The following PPARGC1B variants were observed in gnomAD, a reference collection of about 807,000 sequenced individuals.
PPARGC1B encodes peroxisome proliferator-activated receptor gamma coactivator 1-beta.
In PPARGC1B, 34 loss-of-function variants were observed where a neutral mutation model predicts 101.6. The observed-to-expected ratio is 0.33, with a 90% confidence interval of 0.25 to 0.45. PPARGC1B has a LOEUF of 0.45. PPARGC1B is among the 20% of genes least tolerant of loss of function. The pLI is 1.00. For missense variants in PPARGC1B, 1,234 were observed against 1,317.6 expected, an observed-to-expected ratio of 0.94 and a Z score of 0.98; for synonymous variants, 548 against 539.3, an observed-to-expected ratio of 1.02 and a Z score of -0.22.
chr5:149,780,512 C>T (rs921571022), intron 1 of PPARGC1B, among the ~76,000 whole-genome samples: 1 of 152,196 alleles, frequency 6.6e-6, no homozygotes, highest in African/African-American at 2.4e-5. Flanking sequence ...CTAAAGGTCT[C>T]TAAGGCCCTT....
At chr5:149,856,899 T>G (rs1759968359), downstream of PPARGC1B, among the ~76,000 whole-genome samples, 1 of 151,834 alleles carries the variant, frequency 6.6e-6, no homozygotes, top group Non-Finnish European at 1.5e-5. Context: ...GCCTCCCAAG[T>G]AGCTGGGATT....
Position 149,847,480 on chromosome 5 carries a change from T to A in PPARGC1B, c.2994T>A (p.Leu998=). 6.2e-7 allele frequency: 1 copy of A among 1,614,034 alleles called. No individual in the cohort carries two copies. Among genetic ancestry groups the A allele is most frequent in the Non-Finnish European group, 8.5e-7 (1 of 1,179,916 alleles). ...CAGATTCCAATTCAGAAGAGGCCCTTCCTGCGTCAGGGAAAAGCAAGTATG... is the reference window on the plus strand; with the variant it reads ...CAGATTCCAATTCAGAAGAGGCCCTACCTGCGTCAGGGAAAAGCAAGTATG... The part of the protein sequence containing the change: ...TDYDSNSEEA[L]PASGKSKYEA... The change falls in exon 12 of 12, where the codon CTT becomes CTA. Residue 998 remains leucine, a synonymous_variant. Transcript: ENST00000309241.
At position 149,840,103 on chromosome 5, in the gene PPARGC1B, G is replaced by A. The variant is rs201959772; in HGVS notation, c.2681G>A (p.Arg894Gln). Residue 894 changes from arginine (R) to glutamine (Q), a missense_variant, in exon 9 of 12, where the codon CGG (arginine) becomes CAG (glutamine). Arg to Gln is a conservative substitution (Grantham distance 43). Around this residue, in one of 3 missense-constraint regions of PPARGC1B, gnomAD observed 497 missense variants for 529.5 expected, o/e 0.94. Transcript: ENST00000309241. ...AGCATCCGGCACGCCAGGAAGCGGC[G>A]GGAAAAGGCCATTGTAAGTGATCTG... ...TPSIRHARKR[R>Q]EKAIGEGRVV... 69 of 1,612,932 alleles carry A rather than the reference G, an allele frequency of 4.3e-5. No individual in the cohort carries two copies. The highest frequency in any genetic ancestry group is 4.5e-5 in the East Asian group (2 of 44,870).
At chr5:149,822,930 C>T (rs566921731) in intron 2 of PPARGC1B, among the ~76,000 whole-genome samples, 8 of 152,322 alleles carry the variant, frequency 5.3e-5, no homozygotes, top group East Asian at 1.9e-4. Flanking sequence ...ATGGGAATCA[C>T]GGAGTCTTGC....
chr5:149,849,737 A>C lies in PPARGC1B; in HGVS notation c.*2179A>C, dbSNP rs980561157. 1 of 152,144 alleles carries C rather than the reference A, an allele frequency of 6.6e-6. No homozygotes were observed. Among genetic ancestry groups the C allele is most frequent in the Admixed American group, 6.5e-5 (1 of 15,276 alleles). The allele number at this position is 152,144 out of a possible 1,614,324, so 9.4% of individuals were successfully genotyped here. On this transcript the variant is annotated 3_prime_UTR_variant, in exon 12 of 12. Transcript: ENST00000309241. Reference sequence around the variant, plus strand: ...CGTTCCATGAGAGAAAACTCCCCTAATGCTATTCCATGGCGTAACACTCCC... The same window carrying C: ...CGTTCCATGAGAGAAAACTCCCCTACTGCTATTCCATGGCGTAACACTCCC...
At chr5:149,775,461 G>A (rs986223510) in intron 1 of PPARGC1B, among the ~76,000 whole-genome samples, 1 of 152,156 alleles carries the variant, frequency 6.6e-6, no homozygotes, top group Non-Finnish European at 1.5e-5. Context: ...CAGGGATAAA[G>A]GTCGTGACTG....
chr5:149,775,446 G>A (rs1437501609), intron 1 of PPARGC1B, among the ~76,000 whole-genome samples: 1 of 152,088 alleles, frequency 6.6e-6, no homozygotes, highest in Non-Finnish European at 1.5e-5. Context: ...TGACGCATGT[G>A]GCCACAGGGA....
chr5:149,857,290 T>C (rs1377562885), downstream of PPARGC1B, among the ~76,000 whole-genome samples: 1 of 152,238 alleles, frequency 6.6e-6, no homozygotes, highest in Non-Finnish European at 1.5e-5. Context: ...CTCATTCAGC[T>C]CAGTCTCATT....
chr5:149,738,270 C>A (rs1275134640), intron 1 of PPARGC1B, among the ~76,000 whole-genome samples: 1 of 152,154 alleles, frequency 6.6e-6, no homozygotes, highest in Non-Finnish European at 1.5e-5. Flanking sequence ...ATTAGGAAAT[C>A]ACTCCTGGAC....
Position 149,769,273 on chromosome 5 carries a change from T to C in PPARGC1B, c.78+38853T>C, listed in dbSNP as rs371877145. Among the ~76,000 whole-genome samples the C allele has an allele frequency of 2.6e-5, 4 of 152,364 alleles. No homozygotes were observed. In the East Asian group the frequency reaches 7.7e-4, roughly 29 times the overall value. ...AAATACAGATGAAGCTTTGCTTACTTGCCCACCACTTATCTCCTGTTGTGT... is the reference window on the plus strand; with the variant it reads ...AAATACAGATGAAGCTTTGCTTACTCGCCCACCACTTATCTCCTGTTGTGT... On this transcript the variant is annotated intron_variant, in intron 1 of 11. Coordinates refer to ENST00000309241, the MANE Select transcript of PPARGC1B (RefSeq NM_133263.4).
chr5:149,776,830 G>A (rs191510249), intron 1 of PPARGC1B, among the ~76,000 whole-genome samples: 115 of 152,358 alleles, frequency 7.5e-4, no homozygotes, highest in African/African-American at 2.6e-3. Context: ...GTTGACAATG[G>A]AAATGGCCCC....
chr5:149,857,797 T>C (rs186095144), downstream of PPARGC1B, among the ~76,000 whole-genome samples: 1 of 152,358 alleles, frequency 6.6e-6, no homozygotes, highest in East Asian at 1.9e-4. Flanking sequence ...CAGCCCCGTC[T>C]TCTCACTGGC....
At chr5:149,745,049 G>A (rs1183257384) in intron 1 of PPARGC1B, among the ~76,000 whole-genome samples, 1 of 151,972 alleles carries the variant, frequency 6.6e-6, no homozygotes, top group African/African-American at 2.4e-5. Flanking sequence ...CTAAAGGCAT[G>A]TGCCACTACA....
chr5:149,840,076 C>A lies in PPARGC1B; in HGVS notation c.2654C>A (p.Pro885Gln). 1 of 1,613,972 alleles carries A rather than the reference C, an allele frequency of 6.2e-7. No individual in the cohort carries two copies. The highest frequency in any genetic ancestry group is 8.5e-7 in the Non-Finnish European group (1 of 1,179,938). Residue 885 changes from proline to glutamine, a missense_variant, in exon 9 of 12, where the codon CCA (proline) becomes CAA (glutamine). Coordinates refer to ENST00000309241, the MANE Select transcript of PPARGC1B (RefSeq NM_133263.4). ...ESRGPCSDRT[P>Q]SIRHARKRRE... ...AGAGGGCCGTGTTCAGACAGAACGC[C>A]AAGCATCCGGCACGCCAGGAAGCGG... is the stretch of plus-strand genomic sequence containing the variant.
At chr5:149,788,926 T>C (rs2113249089) in intron 1 of PPARGC1B, among the ~76,000 whole-genome samples, 1 of 152,014 alleles carries the variant, frequency 6.6e-6, no homozygotes, top group East Asian at 1.9e-4. Context: ...GGGCCTGTTG[T>C]GGGGTGGGAG....
intron 1 of PPARGC1B, among the ~76,000 whole-genome samples, chr5:149,791,687 C>A (rs183207050): frequency 6.6e-6 from 1 of 152,070 alleles, no homozygotes; most frequent in Non-Finnish European, 1.5e-5. Flanking sequence ...CTGTAGGACT[C>A]CTTGTCTTCC....
chr5:149,785,639 A>T (rs1756775291), intron 1 of PPARGC1B, among the ~76,000 whole-genome samples: 1 of 152,212 alleles, frequency 6.6e-6, no homozygotes, highest in African/African-American at 2.4e-5. Flanking sequence ...CTGAGAGCCC[A>T]GTCCCCGTTC....
chr5:149,802,274 C>T (rs924959820), intron 1 of PPARGC1B, among the ~76,000 whole-genome samples: 50 of 152,210 alleles, frequency 3.3e-4, no homozygotes, highest in African/African-American at 1.2e-3. Context: ...GGCCCTCGCT[C>T]CTCCGTCCCT....
chr5:149,786,049 A>G (rs1289097006), intron 1 of PPARGC1B, among the ~76,000 whole-genome samples: 2 of 150,972 alleles, frequency 1.3e-5, no homozygotes, highest in Non-Finnish European at 2.9e-5. Context: ...CCCCATCCCC[A>G]GTAGCTGGGA....
Sources: gnomAD v4.1 joint callset for allele counts (sites outside exome capture counted in the v4.1 genomes callset) on GRCh38, gnomAD v4.1.1 for gene constraint, gnomAD v4.1.1 regional missense constraint, MANE v1.5 for transcripts, NCBI Gene and HGNC (gene_info 2026-07-23, HGNC 2026-07-21) for gene names.